TBL1X: variants seen among roughly 807,000 people sequenced by gnomAD.
TBL1X encodes transducin beta like 1 X-linked, also known as F-box-like/WD repeat-containing protein TBL1X.
In TBL1X, 10 loss-of-function variants were observed where a neutral mutation model predicts 50.7. That is an observed-to-expected ratio of 0.20 (90% confidence interval 0.12 to 0.33). The LOEUF (loss-of-function observed/expected upper bound fraction) is 0.33, where lower values mean the gene tolerates loss of function less well. TBL1X is among the 10% of genes least tolerant of loss of function. The pLI, the probability that TBL1X is intolerant of heterozygous loss-of-function variation, is 1.00. For synonymous variants in TBL1X, 190 were observed against 214.7 expected (o/e 0.88, Z 1.01); for missense variants, 340 against 504.4 (o/e 0.67, Z 3.12).
rs748892836 is a variant in TBL1X at position 9,481,582 on chromosome X, T to C, written c.-201+16135T>C. 2.1e-4 allele frequency among the ~76,000 whole-genome samples: 24 copies of C among 112,369 alleles called. No homozygotes were observed. In the South Asian group the frequency reaches 8.7e-3, roughly 41 times the overall value. On this transcript the variant is annotated intron_variant, in intron 1 of 17. Transcript: ENST00000645353. ...CAAAGCTTTGATTGGAATGGCATAC[T>C]TTCAGATTGCTTTAAGGAATCAAAG...
At chrX:9,515,707 G>T (rs754336065) in intron 2 of TBL1X, among the ~76,000 whole-genome samples, 11 of 112,185 alleles carry the variant, frequency 9.8e-5, no homozygotes, top group Non-Finnish European at 1.9e-4. Context: ...GCACAAGGGA[G>T]ATATGATAAG....
chrX:9,676,206 G>A (rs1471481810), intron 5 of TBL1X, among the ~76,000 whole-genome samples: 1 of 112,389 alleles, frequency 8.9e-6, no homozygotes, highest in Non-Finnish European at 1.9e-5. Context: ...GAGGACATGA[G>A]CGTCTCTGCA....
chrX:9,689,685 A>T (rs922621499), intron 7 of TBL1X, among the ~76,000 whole-genome samples: 17 of 112,410 alleles, frequency 1.5e-4, no homozygotes, highest in Non-Finnish European at 2.6e-4. Context: ...TTTTGATAAG[A>T]ATGAAAATAC....
chrX:9,687,894 G>A, intron 6 of TBL1X, 123 bp from the exon 7 acceptor site: 1 of 1,090,293 alleles, frequency 9.2e-7, no homozygotes, highest in Non-Finnish European at 1.2e-6. Context: ...GTGGCCCCCT[G>A]GTTGCTGGGA....
chrX:9,490,571 A>G (rs1219479703), intron 1 of TBL1X, among the ~76,000 whole-genome samples: 1 of 111,968 alleles, frequency 8.9e-6, no homozygotes, highest in Non-Finnish European at 1.9e-5. Context: ...CATGCACTTT[A>G]TAGTTTGAGA....
chrX:9,554,323 C>T (rs1476323434), intron 2 of TBL1X, among the ~76,000 whole-genome samples: 1 of 112,500 alleles, frequency 8.9e-6, no homozygotes, highest in Admixed American at 9.4e-5. Context: ...ATTATTAACT[C>T]CGAATAAGCA....
At chrX:9,631,408 G>T (rs1944740233) in intron 2 of TBL1X, among the ~76,000 whole-genome samples, 1 of 112,164 alleles carries the variant, frequency 8.9e-6, no homozygotes, top group African/African-American at 3.2e-5. Context: ...CACTTACTCT[G>T]TGTTTCCTTT....
At chrX:9,496,206 C>T (rs1286402835) in intron 1 of TBL1X, among the ~76,000 whole-genome samples, 1 of 111,792 alleles carries the variant, frequency 8.9e-6, no homozygotes, top group African/African-American at 3.3e-5. Flanking sequence ...GGGACATGGC[C>T]TGAGGAGATG....
chrX:9,487,417 G>A (rs2081919248), intron 1 of TBL1X, among the ~76,000 whole-genome samples: 1 of 110,874 alleles, frequency 9.0e-6, no homozygotes, highest in African/African-American at 3.3e-5. Context: ...GACCTTTTGC[G>A]CCTGGATTCT....
chrX:9,533,797 G>C (rs1205778189), intron 2 of TBL1X, among the ~76,000 whole-genome samples: 1 of 111,391 alleles, frequency 9.0e-6, no homozygotes, highest in Admixed American at 9.5e-5. Context: ...GTGCTGCTCC[G>C]GGCTCCTTCG....
intron 3 of TBL1X, among the ~76,000 whole-genome samples, chrX:9,643,568 A>C (rs771466862): frequency 1.2e-4 from 13 of 111,757 alleles, no homozygotes; most frequent in Non-Finnish European, 2.1e-4. Flanking sequence ...AAATTGATAT[A>C]GGCCAGGCAC....
chrX:9,498,867 AATG>A (rs1054237667), intron 1 of TBL1X, among the ~76,000 whole-genome samples: 7 of 112,139 alleles, frequency 6.2e-5, no homozygotes, highest in Non-Finnish European at 1.1e-4. Context: ...TTGGGACATT[AATG>A]ATGAGACAGA....
At chrX:9,614,404 C>CA (rs1038144239) in intron 2 of TBL1X, among the ~76,000 whole-genome samples, 4 of 110,569 alleles carry the variant, frequency 3.6e-5, no homozygotes, top group Non-Finnish European at 7.6e-5. Context: ...CCCATCTCTA[C>CA]AAAAAAAATT....
intron 5 of TBL1X, among the ~76,000 whole-genome samples, chrX:9,657,603 G>A (rs1263896836): frequency 8.9e-6 from 1 of 112,598 alleles, no homozygotes; most frequent in African/African-American, 3.2e-5. Flanking sequence ...CCCACAACAG[G>A]CAGAAGTCAG....
intron 12 of TBL1X, among the ~76,000 whole-genome samples, chrX:9,702,310 C>T (rs1313620855): frequency 9.2e-6 from 1 of 108,938 alleles, no homozygotes; most frequent in Non-Finnish European, 1.9e-5. Context: ...GGCTTGGTGG[C>T]GTGCACCTGT....
chrX:9,687,930 T>C lies in TBL1X; in HGVS notation c.358-87T>C. 3.5e-6 allele frequency: 4 copies of C among 1,136,876 alleles called. No individual in the cohort carries two copies. In the Admixed American group the frequency reaches 8.9e-5, roughly 25 times the overall value. 93.7% of individuals were successfully genotyped at this position (1,136,876 alleles called of 1,213,427 possible). A position where few individuals can be genotyped will look rare whatever the true frequency, so the allele number is the denominator to read the frequency against. On this transcript the variant is annotated intron_variant, in intron 6 of 17. Transcript: ENST00000645353. ...GCCAGCTGTTTACGCCCCACTTCCCTGCGCTTCTCCTGCCCAGAGAGCAGA... is the reference window on the plus strand; with the variant it reads ...GCCAGCTGTTTACGCCCCACTTCCCCGCGCTTCTCCTGCCCAGAGAGCAGA...
At chrX:9,510,980 T>G (rs889746541) in intron 2 of TBL1X, among the ~76,000 whole-genome samples, 1 of 111,938 alleles carries the variant, frequency 8.9e-6, no homozygotes, top group Admixed American at 9.6e-5. Flanking sequence ...AAACAAACCC[T>G]ATTGGCACTG....
intron 2 of TBL1X, among the ~76,000 whole-genome samples, chrX:9,587,928 C>T (rs921725848): frequency 1.8e-5 from 2 of 109,749 alleles, no homozygotes; most frequent in East Asian, 5.8e-4. Context: ...TTTCACTCTG[C>T]GTGTGTTCCT....
At chrX:9,669,935 T>C (rs1046759905) in intron 5 of TBL1X, among the ~76,000 whole-genome samples, 4 of 111,862 alleles carry the variant, frequency 3.6e-5, no homozygotes, top group Non-Finnish European at 7.5e-5. Context: ...TGCTTCTAGC[T>C]CACAGGTTGA....
Sources: allele counts gnomAD v4.1 joint callset (sites outside exome capture counted in the v4.1 genomes callset), GRCh38; gene constraint gnomAD v4.1.1; transcripts MANE v1.5; gene names NCBI Gene and HGNC (gene_info 2026-07-23, HGNC 2026-07-21).